The following KANK1 variants were observed in gnomAD, a reference collection of about 807,000 sequenced individuals.
KANK1 encodes the protein KN motif and ankyrin repeat domains 1.
In KANK1, 109 loss-of-function variants were observed where a neutral mutation model predicts 106.2. The observed-to-expected ratio is 1.03, with a 90% CI of 0.88 to 1.20. KANK1 has a LOEUF of 1.20. Ranked by LOEUF, KANK1 falls within the 50% of genes most tolerant of loss-of-function variation. The pLI, the probability that KANK1 is intolerant of heterozygous loss-of-function variation, is 0.00. For synonymous variants in KANK1, 873 were observed against 652.2 expected (o/e 1.34, Z -5.16); for missense variants, 2,399 against 1,710.7 (o/e 1.40, Z -7.10).
chr9:671,319 A>T (rs1845849753), intron 1 of KANK1, among the ~76,000 whole-genome samples: 1 of 151,944 alleles, frequency 6.6e-6, no homozygotes, highest in African/African-American at 2.4e-5. Context: ...TTGATAATCA[A>T]GCCTGCTCTA....
chr9:498,875 CA>C (rs1281214005), intron 3 of KANK1, among the ~76,000 whole-genome samples: 1 of 152,100 alleles, frequency 6.6e-6, no homozygotes, highest in Non-Finnish European at 1.5e-5. Context: ...GGTAGTTCCT[CA>C]AAAAGTTGAA....
At chr9:650,102 G>A (rs1382315024) in intron 1 of KANK1, among the ~76,000 whole-genome samples, 2 of 152,134 alleles carry the variant, frequency 1.3e-5, no homozygotes, top group Admixed American at 6.5e-5. Flanking sequence ...GTATAAAGGT[G>A]GAGGGATTAC....
intron 2 of KANK1, among the ~76,000 whole-genome samples, chr9:700,893 C>T (rs11789077): frequency 6.6e-6 from 1 of 152,112 alleles, no homozygotes; most frequent in African/African-American, 2.4e-5. Flanking sequence ...TCAGTGTGTC[C>T]TAATTAATAG....
intron 1 of KANK1, among the ~76,000 whole-genome samples, chr9:668,873 C>T (rs1209600510): frequency 6.6e-6 from 1 of 152,024 alleles, no homozygotes; most frequent in Non-Finnish European, 1.5e-5. Flanking sequence ...GAACGCTCAA[C>T]CTAGATCCTT....
At position 735,089 on chromosome 9, in the gene KANK1, G is replaced by A. The variant is rs2296053; in HGVS notation, c.3333+254G>A. Among the ~76,000 whole-genome samples, 102,669 of 152,102 alleles carry A rather than the reference G, an allele frequency of 0.68. 36,314 individuals are homozygous for A. Among genetic ancestry groups the A allele is most frequent in the African/African-American group, 0.89 (36,879 of 41,524 alleles). Reference sequence around the variant, plus strand: ...CCTGGGGTGGAGGCATCTGTGAGGCGTACACTTGCAGACAGAAAGCAGGGC... The same window carrying A: ...CCTGGGGTGGAGGCATCTGTGAGGCATACACTTGCAGACAGAAAGCAGGGC... On this transcript the variant is annotated intron_variant, in intron 7 of 11. Transcript: ENST00000382297.
In KANK1 at chr9:684,072, C is replaced by T. The variant is rs146495255; in HGVS notation, c.37+7063C>T. 2.4e-4 allele frequency: 163 copies of T among 679,848 alleles called. 1 individual carries two copies. The African/African-American group carries it at 3.2e-3, about 13-fold the overall frequency. The allele number at this position is 679,848 out of a possible 1,614,324, so 42.1% of individuals were successfully genotyped here. On this transcript the variant is annotated intron_variant, in intron 2 of 11. Transcript: ENST00000382297. ...CAGAACCTCAGAATTCACCCAGCCC[C>T]CGGAGAGGTTTTGAAAAGCCCCTGG...
chr9:537,442 A>G (rs529331576), intron 1 of KANK1, among the ~76,000 whole-genome samples: 1 of 152,294 alleles, frequency 6.6e-6, no homozygotes, highest in South Asian at 2.1e-4. Context: ...TAATTTTTCA[A>G]CAAGCCACAG....
rs559403713 is a variant in KANK1, at chr9:524,504, C to G, written c.-84+19750C>G. 5.9e-5 allele frequency among the ~76,000 whole-genome samples: 9 copies of G among 151,694 alleles called. No homozygotes were observed. The South Asian group carries it at 1.9e-3, about 32-fold the overall frequency. On this transcript the variant is annotated intron_variant, in intron 1 of 11. Transcript: ENST00000382297. The stretch of plus-strand genomic sequence containing the variant: ...CACCATTGTTTCAAGTAGTATGTCA[C>G]TTATTGTGGGGTTTTTTGTTTGTTT...
chr9:604,041 T>A (rs1275741636), intron 1 of KANK1, among the ~76,000 whole-genome samples: 1 of 151,560 alleles, frequency 6.6e-6, no homozygotes, highest in Non-Finnish European at 1.5e-5. Context: ...CACTTTATGT[T>A]TGGGGAGGAG....
intron 1 of KANK1, among the ~76,000 whole-genome samples, chr9:616,386 C>T (rs1831831389): frequency 1.3e-5 from 2 of 152,146 alleles, no homozygotes; most frequent in Admixed American, 6.6e-5. Context: ...TCCTGAACAC[C>T]ACTTAAATTA....
intron 1 of KANK1, among the ~76,000 whole-genome samples, chr9:558,028 G>C (rs541377701): frequency 1.3e-3 from 200 of 152,112 alleles, no homozygotes; most frequent in Non-Finnish European, 2.3e-3. Context: ...AAACCTATAC[G>C]AACAATGGTA....
intron 1 of KANK1, among the ~76,000 whole-genome samples, chr9:646,231 G>T (rs529068982): frequency 6.6e-6 from 1 of 151,040 alleles, no homozygotes; most frequent in East Asian, 1.9e-4. Context: ...GGTGGCCCAT[G>T]CCTGTAATCT....
chr9:668,988 A>G (rs549864381), intron 1 of KANK1, among the ~76,000 whole-genome samples: 48 of 152,256 alleles, frequency 3.2e-4, no homozygotes, highest in Middle Eastern at 3.4e-3. Flanking sequence ...GGTTCCTAAC[A>G]TGCGACGGAC....
chr9:727,433 A>G (rs1385970249), intron 3 of KANK1, among the ~76,000 whole-genome samples: 2 of 151,300 alleles, frequency 1.3e-5, no homozygotes, highest in African/African-American at 2.4e-5. Context: ...CTCCTACCTC[A>G]GCCTCCCGAG....
At chr9:558,197 G>T (rs911712702) in intron 1 of KANK1, among the ~76,000 whole-genome samples, 9 of 152,204 alleles carry the variant, frequency 5.9e-5, no homozygotes, top group Admixed American at 2.0e-4. Flanking sequence ...CTAGACCTAT[G>T]ACTTGGAGCT....
chr9:514,900 T>G (rs2059210526), intron 1 of KANK1, among the ~76,000 whole-genome samples: 1 of 151,790 alleles, frequency 6.6e-6, no homozygotes, highest in Admixed American at 6.5e-5. Context: ...TGTATGAGTT[T>G]CAGTTGCACC....
At chr9:557,534 G>A (rs77679581) in intron 1 of KANK1, among the ~76,000 whole-genome samples, 11 of 152,332 alleles carry the variant, frequency 7.2e-5, no homozygotes, top group Non-Finnish European at 1.3e-4. Flanking sequence ...TCATCCTGGA[G>A]TTTAAGGCAG....
At position 515,217 on chromosome 9, in the gene KANK1, A is replaced by C. The variant is rs938849712; in HGVS notation, c.-84+10463A>C. 9.1e-4 allele frequency among the ~76,000 whole-genome samples: 137 copies of C among 151,286 alleles called. 6 individuals carry two copies. The highest frequency in any genetic ancestry group is 2.4e-3 in the African/African-American group (96 of 40,808). ...AAGATTAGCCAGGCGTGGTGGCGGG[A>C]GCCTGTAGTCCCAGCTACTCGGGAG... On this transcript the variant is annotated intron_variant, in intron 1 of 11. Transcript: ENST00000382297.
At chr9:722,194 T>C (rs1049555720) in intron 3 of KANK1, among the ~76,000 whole-genome samples, 1 of 152,232 alleles carries the variant, frequency 6.6e-6, no homozygotes, top group African/African-American at 2.4e-5. Flanking sequence ...AAGACTAAAC[T>C]GCCTTTGTAA....
Sources: gnomAD v4.1 joint callset for allele counts (sites outside exome capture counted in the v4.1 genomes callset) on GRCh38, gnomAD v4.1.1 for gene constraint, MANE v1.5 for transcripts, NCBI Gene and HGNC (gene_info 2026-07-23, HGNC 2026-07-21) for gene names.